TBC1D31: variants seen among roughly 807,000 people sequenced by gnomAD.
TBC1D31 encodes the protein WD repeat domain 67.
A neutral mutation model predicts 132.9 loss-of-function variants in TBC1D31; 99 were observed. The observed-to-expected ratio is 0.74, with a 90% CI of 0.63 to 0.88. The LOEUF (loss-of-function observed/expected upper bound fraction) is 0.88, where lower values mean the gene tolerates loss of function less well. Among genes scored for constraint, TBC1D31 ranks in the 40% least tolerant of loss-of-function variants. The pLI is 0.00. For synonymous variants in TBC1D31, 385 were observed against 419.4 expected, an observed-to-expected ratio of 0.92 and a Z score of 1.00; for missense variants, 1,134 against 1,256.6, an observed-to-expected ratio of 0.90 and a Z score of 1.48.
intron 10 of TBC1D31, among the ~76,000 whole-genome samples, chr8:123,118,631 C>T (rs1173187074): frequency 2.7e-5 from 4 of 150,840 alleles, no homozygotes; most frequent in African/African-American, 7.3e-5. Flanking sequence ...ATGTATGAAG[C>T]GCTTATATAA....
downstream of TBC1D31, among the ~76,000 whole-genome samples, chr8:123,155,637 G>T (rs1476978718): frequency 6.6e-6 from 1 of 152,188 alleles, no homozygotes; most frequent in Admixed American, 6.5e-5. The surrounding 1 kb of genome is among the most constrained non-coding windows in gnomAD (Gnocchi z 4.1). Context: ...TTTCCAGTAT[G>T]AAAATAATTC....
intron 5 of TBC1D31, among the ~76,000 whole-genome samples, chr8:123,096,260 T>G (rs1322789058): frequency 6.6e-6 from 1 of 151,852 alleles, no homozygotes; most frequent in African/African-American, 2.4e-5. Context: ...TACGCCTCCC[T>G]CGCTTCATCT....
chr8:123,072,781 T>C lies in TBC1D31; in HGVS notation c.12T>C (p.Thr4=). MQS[T]DLGNKESGKI... ...GGGCAAGCTTCGCCATGCAGAGCAC[T>C]GACCTAGGCAACAAGGAGAGCGGCA... The change falls in exon 1 of 22, where the codon ACT becomes ACC. Residue 4 remains threonine (T), a synonymous_variant. Transcript: ENST00000287380. The C allele has an allele frequency of 1.3e-6, 2 of 1,568,752 alleles. No individual in the cohort carries two copies. The highest frequency in any genetic ancestry group is 1.2e-5 in the South Asian group (1 of 85,350).
intron 4 of TBC1D31, among the ~76,000 whole-genome samples, chr8:123,090,139 A>G (rs1327346896): frequency 6.6e-6 from 1 of 152,230 alleles, no homozygotes; most frequent in African/African-American, 2.4e-5. Flanking sequence ...AGTATGTTCC[A>G]TGAACCTTCA....
At chr8:123,136,607 C>T (rs1821119532) in intron 17 of TBC1D31, among the ~76,000 whole-genome samples, 2 of 152,082 alleles carry the variant, frequency 1.3e-5, no homozygotes, top group Admixed American at 6.5e-5. Context: ...CCCACCACCG[C>T]ACCTGGCTAA....
At chr8:123,095,575 G>T (rs774576573) in intron 5 of TBC1D31, among the ~76,000 whole-genome samples, 1 of 152,146 alleles carries the variant, frequency 6.6e-6, no homozygotes, top group Non-Finnish European at 1.5e-5. Flanking sequence ...TAGAGTAGTT[G>T]ACAAGTTTTA....
chr8:123,154,297 A>G (rs1822933627), downstream of TBC1D31, among the ~76,000 whole-genome samples: 1 of 152,240 alleles, frequency 6.6e-6, no homozygotes, highest in African/African-American at 2.4e-5. Context: ...GGGAGCAACT[A>G]TGAAGACGTA....
chr8:123,136,301 G>C (rs1821084106), intron 17 of TBC1D31, among the ~76,000 whole-genome samples: 1 of 149,662 alleles, frequency 6.7e-6, no homozygotes, highest in Non-Finnish European at 1.5e-5. Context: ...TCGTGACTCT[G>C]TCTTTGTATT....
At chr8:123,125,501 A>G (rs1234528677) in intron 11 of TBC1D31, among the ~76,000 whole-genome samples, 1 of 152,244 alleles carries the variant, frequency 6.6e-6, no homozygotes, top group Admixed American at 6.5e-5. Flanking sequence ...CCATGCTTAT[A>G]GAACAATCAG....
intron 4 of TBC1D31, among the ~76,000 whole-genome samples, chr8:123,090,942 A>C (rs1040950669): frequency 2.0e-5 from 3 of 151,986 alleles, no homozygotes; most frequent in Non-Finnish European, 4.4e-5. Context: ...CTCTGTCTCA[A>C]AATAAATAAA....
intron 10 of TBC1D31, among the ~76,000 whole-genome samples, chr8:123,110,585 C>T (rs1162324585): frequency 1.3e-5 from 2 of 152,124 alleles, no homozygotes; most frequent in African/African-American, 4.8e-5. Flanking sequence ...CATCACCCAG[C>T]TTCAACAATT....
intron 1 of TBC1D31, 121 bp from the exon 2 acceptor site, chr8:123,076,990 G>A (rs1445320132): frequency 8.0e-6 from 7 of 879,814 alleles, no homozygotes; most frequent in Non-Finnish European, 1.2e-5. Context: ...AGGAGCGGGG[G>A]TATAGCGGTA....
downstream of TBC1D31, among the ~76,000 whole-genome samples, chr8:123,155,685 TC>T (rs1822970277): frequency 6.6e-6 from 1 of 152,030 alleles, no homozygotes; most frequent in Non-Finnish European, 1.5e-5. This position sits in a 1 kb window ranked among gnomAD's most constrained non-coding sequence, Gnocchi z 4.1. Context: ...GGAGGCCAGG[TC>T]CCCCTGAGGA....
chr8:123,121,185 T>C (rs1217364671), intron 11 of TBC1D31, among the ~76,000 whole-genome samples: 1 of 152,136 alleles, frequency 6.6e-6, no homozygotes, highest in Non-Finnish European at 1.5e-5. Flanking sequence ...CTCGAACTCC[T>C]GACCCCAAGT....
At chr8:123,126,996 C>T (rs2130783150) in intron 13 of TBC1D31, among the ~76,000 whole-genome samples, 1 of 152,260 alleles carries the variant, frequency 6.6e-6, no homozygotes, top group African/African-American at 2.4e-5. Context: ...ACCTCGGCCT[C>T]CCAAAGTGCT....
intron 2 of TBC1D31, among the ~76,000 whole-genome samples, chr8:123,082,219 A>T (rs892892010): frequency 6.6e-6 from 1 of 152,102 alleles, no homozygotes; most frequent in African/African-American, 2.4e-5. Context: ...AGCACTCAAC[A>T]TGTATTCTTT....
chr8:123,099,970 C>T (rs147665701), intron 6 of TBC1D31, among the ~76,000 whole-genome samples: 93 of 152,196 alleles, frequency 6.1e-4, no homozygotes, highest in Middle Eastern at 3.4e-3. Flanking sequence ...AACCCACTCC[C>T]ACAATAACAG....
chr8:123,097,550 T>C (rs1001256266), intron 6 of TBC1D31, 109 bp downstream of exon 6: 1 of 1,266,916 alleles, frequency 7.9e-7, no homozygotes, highest in African/African-American at 1.5e-5. Context: ...TTACAATAAT[T>C]TGAAATTACA....
chr8:123,112,567 T>A (rs894138529), intron 10 of TBC1D31, among the ~76,000 whole-genome samples: 1 of 152,212 alleles, frequency 6.6e-6, no homozygotes, highest in African/African-American at 2.4e-5. Flanking sequence ...TACAGAAATA[T>A]TCATCTTTTT....
Sources: allele counts gnomAD v4.1 joint callset (sites outside exome capture counted in the v4.1 genomes callset), GRCh38; gene constraint gnomAD v4.1.1; non-coding constraint Gnocchi (gnomAD v3.1); transcripts MANE v1.5; gene names NCBI Gene and HGNC (gene_info 2026-07-23, HGNC 2026-07-21).